Variants in GPR176 observed in about 807,000 individuals in gnomAD.
The protein encoded by GPR176 is G protein-coupled receptor 176.
GPR176 carries 26 observed loss-of-function variants against 35.4 expected under a neutral mutation model. That is an observed-to-expected ratio of 0.74 (90% CI 0.54 to 1.02). GPR176 has a LOEUF of 1.02. Ranked by LOEUF, GPR176 falls within the 50% of genes least tolerant of loss-of-function variation. GPR176 has a pLI of 0.00. For missense variants in GPR176, 597 were observed against 665.3 expected, an observed-to-expected ratio of 0.90 and a Z score of 1.13; for synonymous variants, 278 against 271.3, an observed-to-expected ratio of 1.02 and a Z score of -0.24.
intron 1 of GPR176, among the ~76,000 whole-genome samples, chr15:39,811,680 G>A (rs1466624254): frequency 6.6e-6 from 1 of 152,062 alleles, no homozygotes; most frequent in Non-Finnish European, 1.5e-5. Flanking sequence ...ACTTTGGGAG[G>A]CCAAGGCGGG....
chr15:39,819,438 G>T (rs958609256), intron 1 of GPR176, among the ~76,000 whole-genome samples: 1 of 152,164 alleles, frequency 6.6e-6, no homozygotes, highest in Non-Finnish European at 1.5e-5. Flanking sequence ...ATATCTAGGG[G>T]TTGCTTCATA....
intron 1 of GPR176, among the ~76,000 whole-genome samples, chr15:39,818,688 C>T (rs766018551): frequency 1.4e-4 from 21 of 152,196 alleles, no homozygotes; most frequent in African/African-American, 5.1e-4. Flanking sequence ...ACTATTTCAG[C>T]GACCACAGTC....
At chr15:39,864,833 A>G (rs1430337015) in intron 1 of GPR176, among the ~76,000 whole-genome samples, 1 of 151,962 alleles carries the variant, frequency 6.6e-6, no homozygotes, top group African/African-American at 2.4e-5. Flanking sequence ...AACTCAAACA[A>G]TCCAACAAAA....
rs1373704335 is a variant in GPR176 at position 39,919,877 on chromosome 15, G to A, written c.150C>T (p.Val50=). Residue 50 remains valine (V), a synonymous_variant, in exon 1 of 3, where the codon GTC becomes GTT. Transcript: ENST00000561100. ...YRQFTTTVQV[V]IFIGSLLGNF... Reference sequence around the variant, plus strand: ...TACCGAGCAGCGAGCCTATGAAGATGACGACCTGCACGGTGGTGGTGAACT... The same window carrying A: ...TACCGAGCAGCGAGCCTATGAAGATAACGACCTGCACGGTGGTGGTGAACT... 1.4e-6 allele frequency: 2 copies of A among 1,476,700 alleles called. No individual in the cohort carries two copies. Among genetic ancestry groups the A allele is most frequent in the South Asian group, 1.4e-5 (1 of 71,746 alleles). The allele number at this position is 1,476,700 out of a possible 1,614,324, so 91.5% of individuals were successfully genotyped here. A position where few individuals can be genotyped will look rare whatever the true frequency, so the allele number is the denominator to read the frequency against.
At position 39,881,860 on chromosome 15, in the gene GPR176, T is replaced by C. The variant is rs895357642; in HGVS notation, c.172+37995A>G. Among the ~76,000 whole-genome samples the C allele has an allele frequency of 2.0e-5, 3 of 152,328 alleles. 1 individual carries two copies. Among genetic ancestry groups the C allele is most frequent in the Middle Eastern group, 3.4e-3 (1 of 294 alleles). ...AAAAAATGTGAATATGCAACTGGGA[T>C]GGTTTCTCACAAGTGAAGTTGGTCC... On this transcript the variant is annotated intron_variant, in intron 1 of 2. Transcript: ENST00000561100.
intron 1 of GPR176, among the ~76,000 whole-genome samples, chr15:39,822,986 C>G (rs1900379110): frequency 1.3e-5 from 2 of 152,284 alleles, no homozygotes; most frequent in Middle Eastern, 3.4e-3. Flanking sequence ...CATTCGAAGG[C>G]CTTGGTCTGT....
At chr15:39,860,743 GA>G (rs1162559070) in intron 1 of GPR176, 1 of 152,194 alleles carries the variant, frequency 6.6e-6, no homozygotes, top group Non-Finnish European at 1.5e-5. Context: ...TCCGAGTCAT[GA>G]AGAGCCTGAT....
intron 1 of GPR176, among the ~76,000 whole-genome samples, chr15:39,874,225 G>A (rs1372021717): frequency 6.6e-6 from 1 of 152,118 alleles, no homozygotes; most frequent in African/African-American, 2.4e-5. Flanking sequence ...GACCTGTAGT[G>A]TGGTAAGTAA....
intron 1 of GPR176, among the ~76,000 whole-genome samples, chr15:39,828,626 C>T (rs917437185): frequency 1.1e-4 from 17 of 152,198 alleles, no homozygotes; most frequent in African/African-American, 4.1e-4. Flanking sequence ...TTTTGATTCA[C>T]TCAGGGAGCA....
In GPR176 at chr15:39,875,924, T is replaced by G. The variant is rs183493283; in HGVS notation, c.172+43931A>C. ...TATTCCTCCCAATGTTTAACTCATA[T>G]ATATATATGAGTTTAAATATATGTA... On this transcript the variant is annotated intron_variant, in intron 1 of 2. Transcript: ENST00000561100. 3.4e-3 allele frequency among the ~76,000 whole-genome samples: 502 copies of G among 149,666 alleles called. 1 individual carries two copies. The highest frequency in any genetic ancestry group is 0.011 in the African/African-American group (458 of 41,022).
At chr15:39,839,900 A>T (rs1436011324) in intron 1 of GPR176, among the ~76,000 whole-genome samples, 1 of 152,254 alleles carries the variant, frequency 6.6e-6, no homozygotes, top group Non-Finnish European at 1.5e-5. Context: ...ACTGGTCGTC[A>T]TTAGAGAAAT....
At chr15:39,885,324 T>G (rs899581466) in intron 1 of GPR176, among the ~76,000 whole-genome samples, 1 of 152,242 alleles carries the variant, frequency 6.6e-6, no homozygotes, top group Non-Finnish European at 1.5e-5. Flanking sequence ...AGAAATATAT[T>G]TGTGCCCTTT....
At chr15:39,836,471 C>T (rs1901404752) in intron 1 of GPR176, among the ~76,000 whole-genome samples, 1 of 152,142 alleles carries the variant, frequency 6.6e-6, no homozygotes, top group South Asian at 2.1e-4. Flanking sequence ...CTGCCACCCT[C>T]CCCAGAAGCA....
intron 1 of GPR176, among the ~76,000 whole-genome samples, chr15:39,890,921 T>G (rs762838838): frequency 5.9e-5 from 9 of 152,130 alleles, no homozygotes; most frequent in Admixed American, 3.3e-4. Context: ...CCCTTCAAAT[T>G]TATAATTGTA....
At chr15:39,842,720 A>T (rs2030105842) in intron 1 of GPR176, among the ~76,000 whole-genome samples, 2 of 152,062 alleles carry the variant, frequency 1.3e-5, no homozygotes, top group Admixed American at 1.3e-4. Flanking sequence ...CTGATCTTAG[A>T]CTTCCGTGCC....
At chr15:39,905,300 G>T (rs1021618578) in intron 1 of GPR176, among the ~76,000 whole-genome samples, 5 of 152,148 alleles carry the variant, frequency 3.3e-5, no homozygotes, top group African/African-American at 1.2e-4. Flanking sequence ...TTACAGGGTT[G>T]TCATGCTTTC....
intron 1 of GPR176, among the ~76,000 whole-genome samples, chr15:39,894,933 T>G (rs1407334300): frequency 1.3e-5 from 2 of 152,272 alleles, no homozygotes; most frequent in African/African-American, 4.8e-5. Flanking sequence ...CACTCCAGCC[T>G]GGGCACCATT....
At chr15:39,872,519 T>C (rs2032081371) in intron 1 of GPR176, among the ~76,000 whole-genome samples, 1 of 152,198 alleles carries the variant, frequency 6.6e-6, no homozygotes, top group Non-Finnish European at 1.5e-5. Flanking sequence ...GACTTCACTG[T>C]GTGGTTGTTG....
intron 2 of GPR176, among the ~76,000 whole-genome samples, chr15:39,806,751 C>CCTA (rs991224196): frequency 4.6e-5 from 7 of 152,324 alleles, no homozygotes; most frequent in African/African-American, 1.7e-4. Context: ...CATGATCTAG[C>CCTA]AGCTCTGCCC....
Sources: gnomAD v4.1 joint callset for allele counts (sites outside exome capture counted in the v4.1 genomes callset) on GRCh38, gnomAD v4.1.1 for gene constraint, MANE v1.5 for transcripts, NCBI Gene and HGNC (gene_info 2026-07-23, HGNC 2026-07-21) for gene names.